Variants in HSPG2 observed in about 807,000 individuals in gnomAD.
HSPG2 encodes the protein basement membrane-specific heparan sulfate proteoglycan core protein.
Under a neutral mutation model 526.6 loss-of-function variants are expected in HSPG2, and 278 were observed. That is an observed-to-expected ratio of 0.53 (90% CI 0.48 to 0.58). The LOEUF (loss-of-function observed/expected upper bound fraction) is 0.58, where lower values mean the gene tolerates loss of function less well. HSPG2 is among the 20% of genes least tolerant of loss of function. The probability of loss-of-function intolerance (pLI) is 0.00; values close to 1 mark genes in which losing one functional copy is unlikely to be tolerated. For synonymous variants in HSPG2, 2,465 were observed against 2,555.4 expected (o/e 0.96, Z 1.07); for missense variants, 5,354 against 6,099.5 (o/e 0.88, Z 4.07).
chr1:21,880,383 G>A lies in HSPG2; in HGVS notation c.2175C>T (p.Ala725=), dbSNP rs927344590. 1 of 1,614,098 alleles carries A rather than the reference G, an allele frequency of 6.2e-7. No individual in the cohort carries two copies. The highest frequency in any genetic ancestry group is 1.7e-5 in the Admixed American group (1 of 60,024). ...TVTHATSHGR[A]HSVEECRCPI... Reference sequence around the variant, plus strand: ...GGCACCTGCACTCCTCCACACTGTGGGCACGGCCATGGCTGGTGGCATGGG... The same window carrying A: ...GGCACCTGCACTCCTCCACACTGTGAGCACGGCCATGGCTGGTGGCATGGG... Residue 725 remains alanine (A), a synonymous_variant, in exon 16 of 97, where the codon GCC becomes GCT. Coordinates refer to ENST00000374695, the MANE Select transcript of HSPG2 (RefSeq NM_005529.7).
intron 54 of HSPG2, 39 bp from the exon 55 acceptor site, chr1:21,851,736 G>C (rs1638917267): frequency 6.2e-7 from 1 of 1,613,758 alleles, no homozygotes; most frequent in Non-Finnish European, 8.5e-7. Context: ...CCTGTTCTCT[G>C]AAGCCACTCC....
Position 21,848,672 on chromosome 1 carries a change from G to A in HSPG2, c.7708C>T (p.Arg2570Cys), listed in dbSNP as rs766715131. ...QAPHTITWYK[R>C]GGSLPSRHQI... ...TGCCGGCTGGGTAAGCTGCCTCCACGCTTATACCAGGTGATGGTGTGGGGA... is the reference window on the plus strand; with the variant it reads ...TGCCGGCTGGGTAAGCTGCCTCCACACTTATACCAGGTGATGGTGTGGGGA... Residue 2570 changes from arginine to cysteine, a missense_variant, in exon 59 of 97, where the codon CGT becomes TGT. Physicochemically the swap from Arg to Cys is radical, Grantham distance 180. Coordinates refer to ENST00000374695, the MANE Select transcript of HSPG2 (RefSeq NM_005529.7). The surrounding 1 kb of genome is among the most constrained non-coding windows in gnomAD (Gnocchi z 4.9). 8.1e-6 allele frequency: 13 copies of A among 1,613,596 alleles called. No homozygotes were observed. Among genetic ancestry groups the A allele is most frequent in the South Asian group, 7.7e-5 (7 of 91,068 alleles).
At chr1:21,838,685 G>T in intron 74 of HSPG2, 140 bp downstream of exon 74, 1 of 871,810 alleles carries the variant, frequency 1.1e-6, no homozygotes, top group Non-Finnish European at 1.8e-6. Flanking sequence ...GCCTGCCTCG[G>T]GCCCTGGAGA....
At chr1:21,825,376 C>T (rs2097968273) in intron 91 of HSPG2, among the ~76,000 whole-genome samples, 1 of 152,220 alleles carries the variant, frequency 6.6e-6, no homozygotes, top group African/African-American at 2.4e-5. Flanking sequence ...GAAAGTCCCA[C>T]ATCCCAAGAA....
rs781524119 is a variant in HSPG2 at position 21,847,360 on chromosome 1, G to T, written c.8158C>A (p.Pro2720Thr). 6.2e-7 allele frequency: 1 copy of T among 1,613,892 alleles called. No homozygotes were observed. Among genetic ancestry groups the T allele is most frequent in the Admixed American group, 1.7e-5 (1 of 60,014 alleles). Reference sequence around the variant, plus strand: ...CTTTCCTAGGCAGACTCACCGGAGGGGCTGCCGGCGCTAGGGGAGACGGAG... The same window carrying T: ...CTTTCCTAGGCAGACTCACCGGAGGTGCTGCCGGCGCTAGGGGAGACGGAG... The part of the protein sequence containing the change: ...VISVSPSAGS[P>T]SAPGSSMPIR... The change falls in exon 62 of 97, where the codon CCC (proline) becomes ACC (threonine). Residue 2720 changes from proline (P) to threonine (T), a missense_variant. Physicochemically the swap from Pro to Thr is conservative, Grantham distance 38. Coordinates refer to ENST00000374695, the MANE Select transcript of HSPG2 (RefSeq NM_005529.7). The surrounding 1 kb of genome is among the most constrained non-coding windows in gnomAD (Gnocchi z 4.1).
Position 21,829,400 on chromosome 1 carries a change from CGGAACTCCAGGT to C in HSPG2, c.11963_11974del (p.His3988_Phe3991del). The stretch of plus-strand genomic sequence containing the variant: ...GTGCTTACCTGACCCCAACTCATAG[CGGAACTCCAGGT>C]GGCCGCCCACCATCGCCAGGGACAC... On this transcript the variant is annotated inframe_deletion, in exon 87 of 97. Transcript: ENST00000374695. 1.2e-6 allele frequency: 2 copies of C among 1,613,384 alleles called. No individual in the cohort carries two copies. Among genetic ancestry groups the C allele is most frequent in the Non-Finnish European group, 1.7e-6 (2 of 1,179,918 alleles).
chr1:21,868,508 G>A (rs1297839411), intron 33 of HSPG2, among the ~76,000 whole-genome samples: 2 of 151,756 alleles, frequency 1.3e-5, no homozygotes, highest in Non-Finnish European at 2.9e-5. Context: ...GGGCCCACTC[G>A]GCCTGTACAC....
At position 21,880,466 on chromosome 1, in the gene HSPG2, A is replaced by G. The variant is rs773784309; in HGVS notation, c.2092T>C (p.Tyr698His). The G allele has an allele frequency of 1.5e-5, 25 of 1,613,794 alleles. No homozygotes were observed. Among genetic ancestry groups the G allele is most frequent in the Non-Finnish European group, 2.1e-5 (25 of 1,179,998 alleles). ...CCCACGCTGGCCATCTTGGTGTTGT[A>G]CACGGTCTGGATGAGCACGGCCTCC... ...SLEAVLIQTVYNTKMASVGLS... is the reference protein window; with the variant it reads ...SLEAVLIQTVHNTKMASVGLS... The change falls in exon 16 of 97, where the codon TAC becomes CAC. Residue 698 changes from tyrosine (Y) to histidine (H), a missense_variant. Tyr to His is a moderately conservative substitution (Grantham distance 83). Transcript: ENST00000374695.
Position 21,824,436 on chromosome 1 carries a change from C to A in HSPG2, c.12745-60G>T. ...GCCTGGAGAGCAGAGGCTGCCGAGG[C>A]CAGGGGGCTCTGCTTTCCCCTCCCC... On this transcript the variant is annotated intron_variant, in intron 93 of 96. Transcript: ENST00000374695. The surrounding 1 kb of genome is among the most constrained non-coding windows in gnomAD (Gnocchi z 5.9). 3 of 1,602,812 alleles carry A rather than the reference C, an allele frequency of 1.9e-6. No individual in the cohort carries two copies. The highest frequency in any genetic ancestry group is 1.3e-5 in the African/African-American group (1 of 74,848).
At chr1:21,879,610 G>C (rs1188962312) in intron 17 of HSPG2, among the ~76,000 whole-genome samples, 1 of 151,900 alleles carries the variant, frequency 6.6e-6, no homozygotes, top group Non-Finnish European at 1.5e-5. Context: ...GATGAGGGTG[G>C]AGAGGAGGGC....
rs1642722045 is a variant in HSPG2, at chr1:21,896,064, CA to C, written c.200-99del. 7.5e-6 allele frequency: 12 copies of C among 1,596,028 alleles called. No individual in the cohort carries two copies. The Admixed American group carries it at 2.0e-4, about 27-fold the overall frequency. ...TCTGGGCACCTAGTATACAGTGGGA[CA>C]GGGTTGAGAAAGCTCGGAATGGTCG... is the stretch of plus-strand genomic sequence containing the variant. On this transcript the variant is annotated intron_variant, in intron 2 of 96. Coordinates refer to ENST00000374695, the MANE Select transcript of HSPG2 (RefSeq NM_005529.7).
Position 21,843,287 on chromosome 1 carries a change from T to C in HSPG2, c.8758+10A>G. The stretch of plus-strand genomic sequence containing the variant: ...TGCTCTGGCATCGCCCACTGCTCCC[T>C]ATCACTCACCAGGAATGGGTCCTGG... On this transcript the variant is annotated intron_variant, in intron 66 of 96. Coordinates refer to ENST00000374695, the MANE Select transcript of HSPG2 (RefSeq NM_005529.7). The C allele has an allele frequency of 6.2e-7, 1 of 1,613,936 alleles. No individual in the cohort carries two copies. Among genetic ancestry groups the C allele is most frequent in the Non-Finnish European group, 8.5e-7 (1 of 1,180,016 alleles).
rs1159581312 is a variant in HSPG2 at position 21,893,408 on chromosome 1, C to CCTAG, written c.244+2510_244+2513dup. 2.0e-5 allele frequency among the ~76,000 whole-genome samples: 3 copies of CCTAG among 152,222 alleles called. No individual in the cohort carries two copies. The East Asian group carries it at 5.8e-4, about 29-fold the overall frequency. On this transcript the variant is annotated intron_variant, in intron 3 of 96. Coordinates refer to ENST00000374695, the MANE Select transcript of HSPG2 (RefSeq NM_005529.7). The surrounding 1 kb of genome is among the most constrained non-coding windows in gnomAD (Gnocchi z 4.3). Reference sequence around the variant, plus strand: ...TGTCCTGGGCAGGGGCAGTGGCTGGCCTAGCCCCTGGACTCTGCAGGGAGG... The same window carrying CCTAG: ...TGTCCTGGGCAGGGGCAGTGGCTGGCCTAGCTAGCCCCTGGACTCTGCAGGGAGG...
intron 13 of HSPG2, among the ~76,000 whole-genome samples, chr1:21,882,909 G>A (rs1244219072): frequency 2.0e-5 from 3 of 152,194 alleles, no homozygotes; most frequent in South Asian, 2.1e-4. Context: ...CTCCTCACCC[G>A]CAGAATGACC....
rs748793509 is a variant in HSPG2 at position 21,839,088 on chromosome 1, G to A, written c.9890-3C>T. ...GACCGTGGTGGCATATGGTGGGCCT[G>A]AGTGGGGGGACACAGAGGTCAGGAT... On this transcript the variant is annotated splice_region_variant and splice_polypyrimidine_tract_variant and intron_variant, in intron 73 of 96. Coordinates refer to ENST00000374695, the MANE Select transcript of HSPG2 (RefSeq NM_005529.7). The surrounding 1 kb of genome is among the most constrained non-coding windows in gnomAD (Gnocchi z 4.5). The A allele has an allele frequency of 3.8e-6, 6 of 1,575,832 alleles. No individual in the cohort carries two copies. Among genetic ancestry groups the A allele is most frequent in the Non-Finnish European group, 4.3e-6 (5 of 1,156,212 alleles).
intron 52 of HSPG2, 93 bp from the exon 53 acceptor site, chr1:21,852,326 T>C (rs1638967074): frequency 4.7e-6 from 7 of 1,502,476 alleles, no homozygotes; most frequent in Non-Finnish European, 6.5e-6. Context: ...GCCCAGGGTT[T>C]CAAGGCCAGA....
Position 21,859,463 on chromosome 1 carries a change from C to G in HSPG2, c.5293+103G>C. The stretch of plus-strand genomic sequence containing the variant: ...TGGCTGCTGACCTTGTTCGGGCAAC[C>G]ACTGCCCCCTCCCAGCAGGTGAATG... On this transcript the variant is annotated intron_variant, in intron 42 of 96. Coordinates refer to ENST00000374695, the MANE Select transcript of HSPG2 (RefSeq NM_005529.7). The surrounding 1 kb of genome is among the most constrained non-coding windows in gnomAD (Gnocchi z 5.3). 1.1e-6 allele frequency: 1 copy of G among 898,242 alleles called. No individual in the cohort carries two copies. The highest frequency in any genetic ancestry group is 1.8e-6 in the Non-Finnish European group (1 of 555,452). 55.6% of individuals were successfully genotyped at this position (898,242 alleles called of 1,614,324 possible).
intron 1 of HSPG2, among the ~76,000 whole-genome samples, chr1:21,906,060 C>A (rs11581439): frequency 0.04 from 6,079 of 152,286 alleles, 148 homozygotes; most frequent in African/African-American, 0.07. Context: ...AGTGAGGAGC[C>A]TGAGGCTCAG....
In HSPG2 at chr1:21,887,237, G is replaced by A. The variant is rs1393189637; in HGVS notation, c.1056C>T (p.Asp352=). 6.2e-7 allele frequency: 1 copy of A among 1,613,752 alleles called. No homozygotes were observed. The highest frequency in any genetic ancestry group is 2.2e-5 in the East Asian group (1 of 44,842). ...WRCDGDFDCE[D]RTDEANCPTK... is the part of the protein sequence containing the mutation. ...CACGGCAGTTGGCTTCATCAGTTCG[G>A]TCCTCACAGTCAAAGTCACCATCGC... Residue 352 remains aspartate, a synonymous_variant, in exon 9 of 97, where the codon GAC becomes GAT. Transcript: ENST00000374695. This position sits in a 1 kb window ranked among gnomAD's most constrained non-coding sequence, Gnocchi z 5.0.
Sources: gnomAD v4.1 joint callset for allele counts (sites outside exome capture counted in the v4.1 genomes callset) on GRCh38, gnomAD v4.1.1 for gene constraint, Gnocchi (gnomAD v3.1) non-coding constraint, MANE v1.5 for transcripts, NCBI Gene and HGNC (gene_info 2026-07-23, HGNC 2026-07-21) for gene names.